Variants in CCT6B observed in about 807,000 individuals in gnomAD.
The protein encoded by CCT6B is chaperonin containing TCP1 subunit 6B, also known as probable T-complex protein 1 subunit zeta-2.
Under a neutral mutation model 61.5 loss-of-function variants are expected in CCT6B, and 49 were observed. The observed-to-expected ratio is 0.80, with a 90% CI of 0.63 to 1.01. The LOEUF (loss-of-function observed/expected upper bound fraction) is 1.01. CCT6B is among the 50% of genes least tolerant of loss of function. The pLI, the probability that CCT6B is intolerant of heterozygous loss-of-function variation, is 0.00. For missense variants in CCT6B, 666 were observed against 634.7 expected, an observed-to-expected ratio of 1.05 and a Z score of -0.53; for synonymous variants, 228 against 214.5, an observed-to-expected ratio of 1.06 and a Z score of -0.55.
intron 2 of CCT6B, 66 bp from the exon 3 acceptor site, chr17:34,958,760 A>G: frequency 7.7e-7 from 1 of 1,299,856 alleles, no homozygotes; most frequent in South Asian, 1.6e-5. Context: ...ACCAAAAGCA[A>G]GATAACCTAG....
chr17:34,933,925 T>G (rs1243587920), intron 10 of CCT6B, among the ~76,000 whole-genome samples: 1 of 151,720 alleles, frequency 6.6e-6, no homozygotes, highest in Non-Finnish European at 1.5e-5. Flanking sequence ...GCCCGGAAAT[T>G]CAAGACCAGC....
chr17:34,956,310 C>A (rs892962827), intron 3 of CCT6B, among the ~76,000 whole-genome samples: 2 of 152,170 alleles, frequency 1.3e-5, no homozygotes, highest in African/African-American at 2.4e-5. Flanking sequence ...GCCTGGAAAG[C>A]CATTCTCCTC....
At chr17:34,956,470 C>CT (rs2090348884) in intron 3 of CCT6B, among the ~76,000 whole-genome samples, 1 of 152,148 alleles carries the variant, frequency 6.6e-6, no homozygotes, top group African/African-American at 2.4e-5. Context: ...GTGCCCGGCT[C>CT]TATCACTGCA....
intron 5 of CCT6B, chr17:34,944,110 T>A (rs192578349): frequency 3.9e-5 from 6 of 152,314 alleles, no homozygotes. Context: ...TAACAGAATG[T>A]AAACATATCT....
chr17:34,950,551 G>A (rs1173960438), intron 5 of CCT6B, among the ~76,000 whole-genome samples: 2 of 152,046 alleles, frequency 1.3e-5, no homozygotes, highest in Non-Finnish European at 2.9e-5. Context: ...TAAACAAAAT[G>A]GACAAATTTC....
At chr17:34,937,690 C>T (rs2090109932) in intron 10 of CCT6B, among the ~76,000 whole-genome samples, 1 of 152,004 alleles carries the variant, frequency 6.6e-6, no homozygotes, top group African/African-American at 2.4e-5. Flanking sequence ...TAATCCATGA[C>T]AGAATAAAAA....
At chr17:34,958,289 C>T (rs1056449326) in intron 3 of CCT6B, among the ~76,000 whole-genome samples, 1 of 151,914 alleles carries the variant, frequency 6.6e-6, no homozygotes, top group Non-Finnish European at 1.5e-5. Flanking sequence ...AAAAAAAATA[C>T]AAACATTAGC....
chr17:34,940,537 A>G lies in CCT6B; in HGVS notation c.968+2T>C, dbSNP rs777694336. 1 of 1,521,238 alleles carries G rather than the reference A, an allele frequency of 6.6e-7. No individual in the cohort carries two copies. The highest frequency in any genetic ancestry group is 9.0e-7 in the Non-Finnish European group (1 of 1,112,266). 94.2% of individuals were successfully genotyped at this position (1,521,238 alleles called of 1,614,324 possible). ...AGGATATATAATTATCTGCAAGCTT[A>G]CCTTTCCATATTTCTTCTTTTTGCT... On this transcript the variant is annotated splice_donor_variant, in intron 8 of 13. Coordinates refer to ENST00000314144, the MANE Select transcript of CCT6B (RefSeq NM_006584.4). LOFTEE classifies it high-confidence loss of function.
At position 34,954,530 on chromosome 17, in the gene CCT6B, C is replaced by T; in HGVS notation, c.406G>A (p.Glu136Lys). Residue 136 changes from glutamate to lysine, a missense_variant, in exon 4 of 14, where the codon GAA (glutamate) becomes AAA (lysine). Transcript: ENST00000314144. ...AKIKALEVLE[E>K]VKVTKEMKRK... is the part of the protein sequence containing the mutation. The stretch of plus-strand genomic sequence containing the variant: ...TTCATCTCCTTTGTCACTTTAACTT[C>T]CTCCAAAACTTCAAGTGCTTTTATC... 6.2e-7 allele frequency: 1 copy of T among 1,613,662 alleles called. No individual in the cohort carries two copies. The highest frequency in any genetic ancestry group is 8.5e-7 in the Non-Finnish European group (1 of 1,179,680).
chr17:34,937,753 A>T (rs1207595654), intron 10 of CCT6B, among the ~76,000 whole-genome samples: 1 of 152,220 alleles, frequency 6.6e-6, no homozygotes, highest in Non-Finnish European at 1.5e-5. Context: ...AGGCACTGTT[A>T]ATAATAAAAT....
Position 34,929,000 on chromosome 17 carries a change from C to G in CCT6B, c.1485G>C (p.Trp495Cys), listed in dbSNP as rs1473161553. Residue 495 changes from tryptophan (W) to cysteine (C), a missense_variant, in exon 13 of 14, where the codon TGG (tryptophan) becomes TGC (cysteine). Transcript: ENST00000314144. ...GTTGTTTTTTTACACAATAATTATC[C>G]CAAACTCCTGCATCTGCTGCTACCA... ...EPMVAADAGV[W>C]DNYCVKKQLL... 1 of 1,609,230 alleles carries G rather than the reference C, an allele frequency of 6.2e-7. No homozygotes were observed. The highest frequency in any genetic ancestry group is 1.7e-5 in the Admixed American group (1 of 59,950).
At chr17:34,954,085 A>C (rs1421382719) in intron 4 of CCT6B, among the ~76,000 whole-genome samples, 1 of 152,204 alleles carries the variant, frequency 6.6e-6, no homozygotes, top group Admixed American at 6.5e-5. Flanking sequence ...TAAAACAACT[A>C]TCTTGTGTGT....
chr17:34,950,996 C>T (rs920434002), intron 5 of CCT6B, among the ~76,000 whole-genome samples: 2 of 150,086 alleles, frequency 1.3e-5, no homozygotes, highest in Non-Finnish European at 3.0e-5. Flanking sequence ...CCCACAAAAA[C>T]TCTTCAAGAC....
In CCT6B at chr17:34,959,618, GTGAGTTTGA is replaced by G; in HGVS notation, c.161_169del (p.Ile54_Leu56del). ...ATCGAGCAGCACATTGCCATCTTTGGTGAGTTTGATGTCACCTGCACCAGAAACAAGCCT... is the reference window on the plus strand; with the variant it reads ...ATCGAGCAGCACATTGCCATCTTTGGTGTCACCTGCACCAGAAACAAGCCT... On this transcript the variant is annotated inframe_deletion, in exon 2 of 14. Transcript: ENST00000314144. The G allele has an allele frequency of 6.2e-7, 1 of 1,613,254 alleles. No individual in the cohort carries two copies.
At chr17:34,939,457 T>C in intron 9 of CCT6B, 127 bp from the exon 10 acceptor site, 2 of 863,538 alleles carry the variant, frequency 2.3e-6, no homozygotes, top group South Asian at 3.6e-5. Context: ...TTAAGTTATA[T>C]CTGAACTCTT....
At chr17:34,942,182 CTTT>C (rs796649434) in intron 7 of CCT6B, among the ~76,000 whole-genome samples, 1 of 142,324 alleles carries the variant, frequency 7.0e-6, no homozygotes, top group Non-Finnish European at 1.5e-5. Context: ...ATGATACTGC[CTTT>C]TTTTTTTTTC....
At chr17:34,956,426 C>T (rs757532520) in intron 3 of CCT6B, among the ~76,000 whole-genome samples, 9 of 152,148 alleles carry the variant, frequency 5.9e-5, no homozygotes, top group Non-Finnish European at 1.0e-4. Flanking sequence ...TAGTTTAGGA[C>T]GTCCCTCCAG....
Position 34,942,873 on chromosome 17 carries a change from G to T in CCT6B, c.648C>A (p.Ala216=). ...LIQGLVLDHG[A]RHPDMKKRVE... ...CTCGCTTCTTCATATCTGGATGACG[G>T]GCACCATGATCCAAAACTAATCCTT... Residue 216 remains alanine, a synonymous_variant, in exon 6 of 14, where the codon GCC becomes GCA. Coordinates refer to ENST00000314144, the MANE Select transcript of CCT6B (RefSeq NM_006584.4). The T allele has an allele frequency of 1.9e-6, 3 of 1,609,442 alleles. No individual in the cohort carries two copies. Among genetic ancestry groups the T allele is most frequent in the Non-Finnish European group, 2.5e-6 (3 of 1,177,318 alleles).
intron 10 of CCT6B, 125 bp from the exon 11 acceptor site, chr17:34,932,625 G>A: frequency 1.3e-6 from 1 of 753,774 alleles, no homozygotes; most frequent in Non-Finnish European, 2.1e-6. Context: ...AAATTGCACA[G>A]CTTAGTAATT....
Sources: allele counts gnomAD v4.1 joint callset (sites outside exome capture counted in the v4.1 genomes callset), GRCh38; gene constraint gnomAD v4.1.1; transcripts MANE v1.5; gene names NCBI Gene and HGNC (gene_info 2026-07-23, HGNC 2026-07-21).